Variants in FAM184A observed in about 807,000 individuals in gnomAD.
The protein encoded by FAM184A is family with sequence similarity 184 member A, also known as protein FAM184A.
Under a neutral mutation model 143.8 loss-of-function variants are expected in FAM184A, and 99 were observed. The ratio of observed to expected loss-of-function variants is 0.69; its 90% CI spans 0.58 to 0.81. The LOEUF (loss-of-function observed/expected upper bound fraction) is 0.81, where lower values mean the gene tolerates loss of function less well. FAM184A is among the 40% of genes least tolerant of loss of function. FAM184A has a pLI of 0.00. For synonymous variants in FAM184A, 427 were observed against 446.4 expected, an observed-to-expected ratio of 0.96 and a Z score of 0.55; for missense variants, 1,217 against 1,310.5, an observed-to-expected ratio of 0.93 and a Z score of 1.10.
At chr6:119,033,862 C>T (rs1327538290) in intron 1 of FAM184A, among the ~76,000 whole-genome samples, 2 of 143,906 alleles carry the variant, frequency 1.4e-5, no homozygotes, top group African/African-American at 2.6e-5. Flanking sequence ...CATGGTGGCA[C>T]GCGTCTGTAA....
chr6:119,136,499 T>A (rs1342646360), intron 1 of FAM184A, among the ~76,000 whole-genome samples: 1 of 152,158 alleles, frequency 6.6e-6, no homozygotes. Flanking sequence ...CATGTGTCAC[T>A]GAGAGTTTTT....
intron 1 of FAM184A, among the ~76,000 whole-genome samples, chr6:119,119,643 A>G (rs1169348141): frequency 3.3e-5 from 5 of 152,080 alleles, no homozygotes; most frequent in Non-Finnish European, 7.4e-5. Flanking sequence ...CTTCTCCAAC[A>G]TGTCATCAGT....
At chr6:118,965,205 G>GTTT (rs5879475) in intron 15 of FAM184A, among the ~76,000 whole-genome samples, 26 of 131,014 alleles carry the variant, frequency 2.0e-4, no homozygotes, top group South Asian at 2.3e-4. Flanking sequence ...TTTTTTGTTT[G>GTTT]TTTTTTTTTT....
At chr6:118,962,263 A>G in intron 16 of FAM184A, 1 of 320,404 alleles carries the variant, frequency 3.1e-6, no homozygotes, top group Non-Finnish European at 5.8e-6. Context: ...GGTAAAGAAT[A>G]CCCTTTTGGG....
At chr6:119,053,466 TA>T (rs1196259082) in intron 1 of FAM184A, among the ~76,000 whole-genome samples, 1 of 152,182 alleles carries the variant, frequency 6.6e-6, no homozygotes, top group Non-Finnish European at 1.5e-5. Flanking sequence ...CAGGCACATC[TA>T]AAAACACATC....
At chr6:119,088,287 A>G (rs1203076445) in intron 1 of FAM184A, among the ~76,000 whole-genome samples, 1 of 152,218 alleles carries the variant, frequency 6.6e-6, no homozygotes, top group Non-Finnish European at 1.5e-5. Flanking sequence ...TTCATCGATG[A>G]AAAGTACTCT....
At chr6:118,994,654 C>T (rs1784484894) in intron 9 of FAM184A, among the ~76,000 whole-genome samples, 1 of 150,994 alleles carries the variant, frequency 6.6e-6, no homozygotes, top group Non-Finnish European at 1.5e-5. Flanking sequence ...CCACTGCACT[C>T]CAGCCTGGGC....
chr6:119,082,601 A>G (rs1788103533), upstream of FAM184A, among the ~76,000 whole-genome samples: 1 of 152,262 alleles, frequency 6.6e-6, no homozygotes, highest in Non-Finnish European at 1.5e-5. Context: ...GAAAACTGAC[A>G]AGGCACTCAT....
Position 119,046,474 on chromosome 6 carries a change from C to T in FAM184A, c.160-21661G>A, listed in dbSNP as rs568722070. Reference sequence around the variant, plus strand: ...TCCTAGCCTCAGGTGATCCACCTGCCTCGGCCTGAAAAGGTATGCTTTAAA... The same window carrying T: ...TCCTAGCCTCAGGTGATCCACCTGCTTCGGCCTGAAAAGGTATGCTTTAAA... On this transcript the variant is annotated intron_variant, in intron 1 of 17. Coordinates refer to ENST00000338891, the MANE Select transcript of FAM184A (RefSeq NM_024581.6). Among the ~76,000 whole-genome samples, 12 of 152,060 alleles carry T rather than the reference C, an allele frequency of 7.9e-5. No homozygotes were observed. In the South Asian group the frequency reaches 2.5e-3, roughly 32 times the overall value.
chr6:119,013,327 C>A (rs2114664143), intron 5 of FAM184A, among the ~76,000 whole-genome samples: 1 of 152,140 alleles, frequency 6.6e-6, no homozygotes, highest in South Asian at 2.1e-4. Flanking sequence ...ATGAAAGATG[C>A]CTCAATTCTA....
In FAM184A at chr6:119,022,290, C is replaced by T. The variant is rs749983759; in HGVS notation, c.1150+655G>A. Among the ~76,000 whole-genome samples the T allele has an allele frequency of 5.9e-5, 9 of 151,514 alleles. No homozygotes were observed. In the South Asian group the frequency reaches 1.9e-3, roughly 32 times the overall value. On this transcript the variant is annotated intron_variant, in intron 3 of 17. Transcript: ENST00000338891. ...GTCAGGCTGGTCTCAAACCTCTGGC[C>T]ACAAGTGATCTGCCCACTTTGGCCT... is the stretch of plus-strand genomic sequence containing the variant.
chr6:119,050,322 A>T (rs1786701505), intron 1 of FAM184A, among the ~76,000 whole-genome samples: 1 of 152,186 alleles, frequency 6.6e-6, no homozygotes, highest in Non-Finnish European at 1.5e-5. Flanking sequence ...CAATCCCATT[A>T]CTGGGTATAT....
chr6:119,083,957 G>T (rs1046540330), intron 1 of FAM184A, among the ~76,000 whole-genome samples: 8 of 152,252 alleles, frequency 5.3e-5, no homozygotes, highest in Middle Eastern at 3.4e-3. Flanking sequence ...CTGAGACTGG[G>T]TATTTATAAA....
intron 2 of FAM184A, among the ~76,000 whole-genome samples, chr6:119,023,577 T>G: frequency 9.7e-6 from 1 of 102,838 alleles, no homozygotes; most frequent in African/African-American, 3.7e-5. Context: ...AGGAACAGCG[T>G]ATTACCTCGC....
chr6:119,123,533 G>C (rs1372311407), intron 1 of FAM184A, among the ~76,000 whole-genome samples: 1 of 152,116 alleles, frequency 6.6e-6, no homozygotes, highest in African/African-American at 2.4e-5. Context: ...TATTCCATTG[G>C]CTTTAACTTT....
rs58686018 is a variant in FAM184A at position 119,102,784 on chromosome 6, CAAAAAAAA to C, written c.-202+46286_-202+46293del. On this transcript the variant is annotated intron_variant, in intron 1 of 16. Coordinates refer to the FAM184A transcript ENST00000352896. ...CAGCCTGATGACAGAGACTCCATCT[CAAAAAAAA>C]AAAAAAAAAAAAAAAGAAAAGAAAA... Among the ~76,000 whole-genome samples the C allele has an allele frequency of 2.0e-4, 6 of 30,110 alleles. No individual in the cohort carries two copies. The East Asian group carries it at 2.2e-3, about 11-fold the overall frequency. 19.8% of individuals were successfully genotyped at this position (30,110 alleles called of 152,430 possible). A position where few individuals can be genotyped will look rare whatever the true frequency, so the allele number is the denominator to read the frequency against.
chr6:119,025,348 C>T, intron 1 of FAM184A: 1 of 442,754 alleles, frequency 2.3e-6, no homozygotes, highest in South Asian at 1.7e-5. Context: ...TTTCCTTTCC[C>T]AATTCCCCTA....
At chr6:119,039,713 A>G (rs1786250158) in intron 1 of FAM184A, among the ~76,000 whole-genome samples, 1 of 152,188 alleles carries the variant, frequency 6.6e-6, no homozygotes, top group Non-Finnish European at 1.5e-5. Flanking sequence ...TAGAAATGTC[A>G]GGTGATGGTT....
At chr6:119,006,136 T>C in intron 7 of FAM184A, 1 of 765,198 alleles carries the variant, frequency 1.3e-6, no homozygotes, top group Non-Finnish European at 2.4e-6. Flanking sequence ...GAGATGGAAA[T>C]TATGTTGCCG....
Sources: gnomAD v4.1 joint callset for allele counts (sites outside exome capture counted in the v4.1 genomes callset) on GRCh38, gnomAD v4.1.1 for gene constraint, MANE v1.5 for transcripts, NCBI Gene and HGNC (gene_info 2026-07-23, HGNC 2026-07-21) for gene names.